NPEPL1: variants seen among roughly 807,000 people sequenced by gnomAD.
NPEPL1 encodes the protein probable aminopeptidase NPEPL1.
Under a neutral mutation model 52.4 loss-of-function variants are expected in NPEPL1, and 45 were observed. The observed-to-expected ratio is 0.86, with a 90% CI of 0.68 to 1.10. The LOEUF is 1.10. NPEPL1 is among the 50% of genes least tolerant of loss of function. NPEPL1 has a pLI of 0.00. For missense variants in NPEPL1, 696 were observed against 710.9 expected, an observed-to-expected ratio of 0.98 and a Z score of 0.24; for synonymous variants, 360 against 314.7, an observed-to-expected ratio of 1.14 and a Z score of -1.52.
At chr20:58,691,712 T>G, upstream of NPEPL1, 5 of 692,986 alleles carry the variant, frequency 7.2e-6, no homozygotes, top group South Asian at 6.1e-5. Flanking sequence ...TTTTTTTTTT[T>G]TTCATTTTTA....
chr20:58,691,672 TTTTTTTTC>T (rs2084346489), upstream of NPEPL1: 13 of 797,348 alleles, frequency 1.6e-5, no homozygotes, highest in South Asian at 1.0e-4. Context: ...TTGACAGTGC[TTTTTTTTC>T]TTTTTTTCTT....
At chr20:58,707,295 G>C (rs1168698284) in intron 7 of NPEPL1, 95 bp downstream of exon 7, 1 of 1,172,166 alleles carries the variant, frequency 8.5e-7, no homozygotes, top group Non-Finnish European at 1.2e-6. Context: ...GGCCCCACCA[G>C]GGTCCTACCC....
At chr20:58,710,536 C>A (rs2084815509) in intron 7 of NPEPL1, among the ~76,000 whole-genome samples, 2 of 151,870 alleles carry the variant, frequency 1.3e-5, no homozygotes, top group South Asian at 2.1e-4. Context: ...CAACCCAAAA[C>A]CCTTGGCCGC....
intron 3 of NPEPL1, among the ~76,000 whole-genome samples, chr20:58,695,044 GTA>G (rs1568847595): frequency 7.0e-4 from 102 of 145,404 alleles, no homozygotes; most frequent in Middle Eastern, 3.6e-3. Context: ...GTGTTGCTGT[GTA>G]TGTTTGCTGG....
intron 7 of NPEPL1, 71 bp from the exon 8 acceptor site, chr20:58,712,408 C>A: frequency 1.0e-6 from 1 of 985,398 alleles, no homozygotes; most frequent in Non-Finnish European, 1.6e-6. Flanking sequence ...GTCTGAGAAC[C>A]CCCAGCTCGT....
chr20:58,703,799 A>G (rs1017358324), intron 6 of NPEPL1: 2 of 985,100 alleles, frequency 2.0e-6, no homozygotes, highest in African/African-American at 3.5e-5. Context: ...GCCTTCAGGG[A>G]AGCTGTGGTC....
At chr20:58,694,282 G>T (rs914482339) in intron 2 of NPEPL1, 140 bp from the exon 3 acceptor site, 1 of 811,744 alleles carries the variant, frequency 1.2e-6, no homozygotes, top group Admixed American at 2.8e-5. Context: ...TGAGGGATGG[G>T]GTGGCGGCTG....
At chr20:58,699,019 A>T (rs190728406) in intron 4 of NPEPL1, among the ~76,000 whole-genome samples, 178 bp from the exon 5 acceptor site, 23 of 152,168 alleles carry the variant, frequency 1.5e-4, no homozygotes, top group South Asian at 4.1e-4. Context: ...AGGAAATGAG[A>T]GTGTGTGGAG....
intron 3 of NPEPL1, among the ~76,000 whole-genome samples, chr20:58,696,964 A>C (rs1484095852): frequency 6.6e-6 from 1 of 152,196 alleles, no homozygotes; most frequent in Non-Finnish European, 1.5e-5. Flanking sequence ...TCTGACACCC[A>C]CGTGGCCTGT....
chr20:58,692,377 A>G (rs35882666), upstream of NPEPL1, among the ~76,000 whole-genome samples: 46,796 of 152,094 alleles, frequency 0.31, 8,324 homozygotes, highest in East Asian at 0.41. The surrounding 1 kb of genome is among the most constrained non-coding windows in gnomAD (Gnocchi z 5.7). Flanking sequence ...CCTCCGGCCT[A>G]ACTGATGGGT....
Position 58,714,817 on chromosome 20 carries a change from GTCTCATCCT to G in NPEPL1, c.1413+148_1413+156del, listed in dbSNP as rs1220119167. 4.5e-6 allele frequency: 3 copies of G among 668,014 alleles called. No homozygotes were observed. The African/African-American group carries it at 5.4e-5, about 12-fold the overall frequency. 41.4% of individuals were successfully genotyped at this position (668,014 alleles called of 1,614,324 possible). ...AGCCCGCTGTCCCCACCACCCCCAGGTCTCATCCTCCCTGGGAACAGAGTGGCTGCTGTG... is the reference window on the plus strand; with the variant it reads ...AGCCCGCTGTCCCCACCACCCCCAGGCCCTGGGAACAGAGTGGCTGCTGTG... On this transcript the variant is annotated intron_variant, in intron 11 of 11. Coordinates refer to ENST00000356091, the MANE Select transcript of NPEPL1 (RefSeq NM_024663.4).
chr20:58,704,430 T>C (rs1312498452), intron 6 of NPEPL1: 14 of 932,180 alleles, frequency 1.5e-5, no homozygotes, highest in Non-Finnish European at 1.7e-5. Flanking sequence ...TGTATAACAA[T>C]GTCTATTGAT....
intron 3 of NPEPL1, 73 bp from the exon 4 acceptor site, chr20:58,698,611 G>T: frequency 4.8e-6 from 6 of 1,257,592 alleles, no homozygotes; most frequent in Non-Finnish European, 6.9e-6. Context: ...GCTGCCTTTT[G>T]TTCCTGGGGG....
rs749475018 is a variant in NPEPL1, at chr20:58,693,927, G to C, written c.336+5G>C. 6.3e-7 allele frequency: 1 copy of C among 1,575,980 alleles called. No individual in the cohort carries two copies. Among genetic ancestry groups the C allele is most frequent in the Non-Finnish European group, 8.6e-7 (1 of 1,158,350 alleles). Reference sequence around the variant, plus strand: ...GGAGCGCATCGCTGCATTGTGGTGAGTGCTTCGAGAGGAGGCAGCCACGGT... The same window carrying C: ...GGAGCGCATCGCTGCATTGTGGTGACTGCTTCGAGAGGAGGCAGCCACGGT... On this transcript the variant is annotated splice_donor_5th_base_variant and intron_variant, in intron 2 of 11. Coordinates refer to ENST00000356091, the MANE Select transcript of NPEPL1 (RefSeq NM_024663.4).
intron 3 of NPEPL1, among the ~76,000 whole-genome samples, chr20:58,694,857 G>T (rs1429393362): frequency 1.3e-5 from 2 of 152,232 alleles, no homozygotes; most frequent in Non-Finnish European, 2.9e-5. Flanking sequence ...CGTCCATGCT[G>T]TTTTCCAAAT....
intron 6 of NPEPL1, among the ~76,000 whole-genome samples, chr20:58,703,141 C>T (rs902904910): frequency 6.6e-6 from 1 of 152,158 alleles, no homozygotes; most frequent in Non-Finnish European, 1.5e-5. Context: ...ACTGTCAGAG[C>T]GATTCTCAGA....
intron 7 of NPEPL1, among the ~76,000 whole-genome samples, chr20:58,712,101 CTG>C (rs1303260270): frequency 2.0e-5 from 2 of 98,490 alleles, no homozygotes; most frequent in Non-Finnish European, 4.7e-5. Flanking sequence ...TCCTGCCCCT[CTG>C]TGTGTGTACG....
Position 58,714,642 on chromosome 20 carries a change from A to C in NPEPL1, c.1385A>C (p.His462Pro), listed in dbSNP as rs748931527. 1 of 1,594,878 alleles carries C rather than the reference A, an allele frequency of 6.3e-7. No individual in the cohort carries two copies. Among genetic ancestry groups the C allele is most frequent in the South Asian group, 1.1e-5 (1 of 88,260 alleles). Reference protein sequence around the residue: ...IGFDWPGVWVHLDIAAPVHAG... With the variant: ...IGFDWPGVWVPLDIAAPVHAG... ...TTCGACTGGCCCGGAGTCTGGGTCC[A>C]CCTGGACATTGCTGCACCGGTGCAT... The change falls in exon 11 of 12, where the codon CAC becomes CCC. Residue 462 changes from histidine (H) to proline (P), a missense_variant. By Grantham distance (77) the His-to-Pro change is moderately conservative. Coordinates refer to ENST00000356091, the MANE Select transcript of NPEPL1 (RefSeq NM_024663.4).
In NPEPL1 at chr20:58,713,110, G is replaced by A. The variant is rs1328102581; in HGVS notation, c.1002-310G>A. On this transcript the variant is annotated intron_variant, in intron 8 of 11. Coordinates refer to ENST00000356091, the MANE Select transcript of NPEPL1 (RefSeq NM_024663.4). This position sits in a 1 kb window ranked among gnomAD's most constrained non-coding sequence, Gnocchi z 4.6. ...TGCCGGGTGCCAGGCACAGTGTGCTGAAGGCCAGCCCAGCCGGTTCATGCC... is the reference window on the plus strand; with the variant it reads ...TGCCGGGTGCCAGGCACAGTGTGCTAAAGGCCAGCCCAGCCGGTTCATGCC... 7.7e-6 allele frequency: 3 copies of A among 390,652 alleles called. No individual in the cohort carries two copies. Among genetic ancestry groups the A allele is most frequent in the African/African-American group, 6.1e-5 (3 of 49,380 alleles). The allele number at this position is 390,652 out of a possible 1,614,324, so 24.2% of individuals were successfully genotyped here.
Sources: allele counts gnomAD v4.1 joint callset (sites outside exome capture counted in the v4.1 genomes callset), GRCh38; gene constraint gnomAD v4.1.1; non-coding constraint Gnocchi (gnomAD v3.1); transcripts MANE v1.5; gene names NCBI Gene and HGNC (gene_info 2026-07-23, HGNC 2026-07-21).